WNT8A: variants seen among roughly 807,000 people sequenced by gnomAD.
WNT8A encodes protein Wnt-8a.
WNT8A carries 14 observed loss-of-function variants against 20.5 expected under a neutral mutation model. That is an observed-to-expected ratio of 0.68 (90% CI 0.45 to 1.07). The LOEUF (loss-of-function observed/expected upper bound fraction) is 1.07, where lower values mean the gene tolerates loss of function less well. WNT8A is among the 50% of genes least tolerant of loss of function. The pLI is 0.00. For missense variants in WNT8A, 397 were observed against 462.9 expected, an observed-to-expected ratio of 0.86 and a Z score of 1.31; for synonymous variants, 167 against 169.2, an observed-to-expected ratio of 0.99 and a Z score of 0.10.
At chr5:138,088,061 A>G in intron 3 of WNT8A, 130 bp downstream of exon 3, 1 of 1,359,690 alleles carries the variant, frequency 7.4e-7, no homozygotes, top group Non-Finnish European at 9.9e-7. Context: ...AACTCCTTCA[A>G]TTGTAGGATC....
upstream of WNT8A, among the ~76,000 whole-genome samples, chr5:138,079,881 C>A (rs1219981914): frequency 6.6e-6 from 1 of 152,180 alleles, no homozygotes; most frequent in Non-Finnish European, 1.5e-5. Context: ...CTCCAGGAAA[C>A]CTCTGTCTGC....
At chr5:138,087,728 C>G (rs765361311) in intron 2 of WNT8A, 78 bp from the exon 3 acceptor site, 12 of 1,301,882 alleles carry the variant, frequency 9.2e-6, no homozygotes, top group African/African-American at 1.6e-5. Flanking sequence ...GGGAGATAAA[C>G]AGTATTATTT....
At chr5:138,087,133 G>C (rs1380646152) in intron 2 of WNT8A, among the ~76,000 whole-genome samples, 2 of 143,576 alleles carry the variant, frequency 1.4e-5, no homozygotes, top group Non-Finnish European at 3.0e-5. Flanking sequence ...CAGGCAGGTG[G>C]GTCACCTGAG....
chr5:138,083,780 G>T (rs1750568432), upstream of WNT8A: 1 of 277,558 alleles, frequency 3.6e-6, no homozygotes, highest in Non-Finnish European at 6.7e-6. Context: ...AGACAAAATT[G>T]ACATATAGAA....
chr5:138,089,976 T>C (rs1399972393), intron 4 of WNT8A, among the ~76,000 whole-genome samples: 1 of 152,196 alleles, frequency 6.6e-6, no homozygotes, highest in Non-Finnish European at 1.5e-5. Flanking sequence ...AGAGGTTTTT[T>C]AAGCAAGTAC....
upstream of WNT8A, among the ~76,000 whole-genome samples, chr5:138,082,600 C>T (rs1750535453): frequency 6.6e-6 from 1 of 151,718 alleles, no homozygotes; most frequent in South Asian, 2.1e-4. Context: ...TAAAATAAGG[C>T]TGGGTATGGT....
At chr5:138,078,286 G>A in the WNT8A span, among the ~76,000 whole-genome samples, 3 of 152,078 alleles carry the variant, frequency 2.0e-5, no homozygotes, top group Non-Finnish European at 4.4e-5. Context: ...TATGCATGGA[G>A]GCTCATTCTC....
intron 2 of WNT8A, 139 bp from the exon 3 acceptor site, chr5:138,087,667 A>T: frequency 1.1e-6 from 1 of 871,666 alleles, no homozygotes; most frequent in Non-Finnish European, 1.6e-6. Context: ...AAAAAAAAAA[A>T]AAAAAAAGAA....
chr5:138,091,018 A>G lies in WNT8A; in HGVS notation c.1055A>G (p.Tyr352Cys). ...CDQCRHVVSK[Y>C]YCARSPGSAQ... Reference sequence around the variant, plus strand: ...CAGTGTAGGCATGTGGTGAGCAAGTATTACTGCGCACGCTCCCCAGGCAGT... The same window carrying G: ...CAGTGTAGGCATGTGGTGAGCAAGTGTTACTGCGCACGCTCCCCAGGCAGT... Residue 352 changes from tyrosine (Y) to cysteine (C), a missense_variant, in exon 5 of 5, where the codon TAT (tyrosine) becomes TGT (cysteine). By Grantham distance (194) the Tyr-to-Cys change is radical. Coordinates refer to ENST00000506684, the MANE Select transcript of WNT8A (RefSeq NM_001300939.2). The G allele has an allele frequency of 6.2e-7, 1 of 1,614,110 alleles. No homozygotes were observed. The highest frequency in any genetic ancestry group is 8.5e-7 in the Non-Finnish European group (1 of 1,180,016).
At chr5:138,085,415 T>A (rs1039027749) in intron 2 of WNT8A, among the ~76,000 whole-genome samples, 3 of 152,178 alleles carry the variant, frequency 2.0e-5, no homozygotes, top group African/African-American at 2.4e-5. Flanking sequence ...CATTGAGTTG[T>A]GCCTCAGGTG....
chr5:138,091,077 T>C lies in WNT8A; in HGVS notation c.*4T>C, dbSNP rs1750839317. ...CCTGGGTAAGGGCAGTGCCTGATAATACCCCACACAAGTTCACTTGATTAA... is the reference window on the plus strand; with the variant it reads ...CCTGGGTAAGGGCAGTGCCTGATAACACCCCACACAAGTTCACTTGATTAA... On this transcript the variant is annotated 3_prime_UTR_variant, in exon 5 of 5. Transcript: ENST00000506684. The C allele has an allele frequency of 6.2e-7, 1 of 1,605,596 alleles. No homozygotes were observed.
At chr5:138,091,874 A>ACT (rs1409086351), downstream of WNT8A, among the ~76,000 whole-genome samples, 5 of 52,394 alleles carry the variant, frequency 9.5e-5, no homozygotes, top group East Asian at 1.1e-3. Context: ...TAAATAAATA[A>ACT]ATAATAAAGA....
At chr5:138,077,591 T>C in the WNT8A span, among the ~76,000 whole-genome samples, 4 of 152,176 alleles carry the variant, frequency 2.6e-5, no homozygotes, top group African/African-American at 7.2e-5. Flanking sequence ...TGACAATTAA[T>C]CAAGAAACAT....
chr5:138,078,085 A>G, the WNT8A span, among the ~76,000 whole-genome samples: 1 of 151,842 alleles, frequency 6.6e-6, no homozygotes, highest in Admixed American at 6.6e-5. Context: ...CCCAGAGCAT[A>G]TTGTTGGGGA....
chr5:138,084,700 A>G (rs1482880137), intron 2 of WNT8A, 64 bp downstream of exon 2: 2 of 1,506,536 alleles, frequency 1.3e-6, no homozygotes, highest in African/African-American at 2.8e-5. Flanking sequence ...GGCTTGCAGT[A>G]TGTGTATATG....
At chr5:138,079,924 C>G (rs1220297289), upstream of WNT8A, among the ~76,000 whole-genome samples, 1 of 152,166 alleles carries the variant, frequency 6.6e-6, no homozygotes. Flanking sequence ...GCACAGGGGT[C>G]TTATGTAGAT....
At chr5:138,087,096 G>A (rs761161889) in intron 2 of WNT8A, among the ~76,000 whole-genome samples, 43 of 150,700 alleles carry the variant, frequency 2.9e-4, no homozygotes, top group Non-Finnish European at 4.4e-4. Flanking sequence ...AGTGGCTCAC[G>A]CCTGTAATCC....
upstream of WNT8A, among the ~76,000 whole-genome samples, chr5:138,079,343 AT>A (rs1345532333): frequency 7.6e-6 from 1 of 131,704 alleles, no homozygotes; most frequent in Non-Finnish European, 1.7e-5. Flanking sequence ...TAATAATTAT[AT>A]AATAATTATA....
chr5:138,079,023 C>T (rs1250815901), upstream of WNT8A, among the ~76,000 whole-genome samples: 1 of 152,118 alleles, frequency 6.6e-6, no homozygotes, highest in Middle Eastern at 3.4e-3. Flanking sequence ...TAGATACATA[C>T]CTTATCTCCT....
Sources: gnomAD v4.1 joint callset for allele counts (sites outside exome capture counted in the v4.1 genomes callset) on GRCh38, gnomAD v4.1.1 for gene constraint, MANE v1.5 for transcripts, NCBI Gene and HGNC (gene_info 2026-07-23, HGNC 2026-07-21) for gene names.